CR2: variants seen among roughly 807,000 people sequenced by gnomAD.
CR2 encodes complement C3d receptor 2.
A neutral mutation model predicts 123.0 loss-of-function variants in CR2; 96 were observed. The observed-to-expected ratio is 0.78, with a 90% CI of 0.66 to 0.93. The LOEUF (loss-of-function observed/expected upper bound fraction) is 0.93. Among genes scored for constraint, CR2 ranks in the 40% least tolerant of loss-of-function variants. The pLI, the probability that CR2 is intolerant of heterozygous loss-of-function variation, is 0.00. For missense variants in CR2, 1,258 were observed against 1,361.0 expected, an observed-to-expected ratio of 0.92 and a Z score of 1.19; for synonymous variants, 484 against 469.5, an observed-to-expected ratio of 1.03 and a Z score of -0.40.
Position 207,454,736 on chromosome 1 carries a change from G to A in CR2, c.58+260G>A, listed in dbSNP as rs904822235. On this transcript the variant is annotated intron_variant, in intron 1 of 19. Transcript: ENST00000367057. The surrounding 1 kb of genome is among the most constrained non-coding windows in gnomAD (Gnocchi z 4.3). ...CTGTCTGGTCGGCCCGGTGTGGCTG[G>A]CGGCGTGCGGGTGCTCGCGGTCTCC... 44 of 415,578 alleles carry A rather than the reference G, an allele frequency of 1.1e-4. No homozygotes were observed. The highest frequency in any genetic ancestry group is 1.2e-3 in the Middle Eastern group (2 of 1,616). The allele number at this position is 415,578 out of a possible 1,614,324, so 25.7% of individuals were successfully genotyped here. A position where few individuals can be genotyped will look rare whatever the true frequency, so the allele number is the denominator to read the frequency against.
intron 16 of CR2, among the ~76,000 whole-genome samples, chr1:207,478,811 A>G (rs1187502238): frequency 6.6e-6 from 1 of 152,080 alleles, no homozygotes; most frequent in African/African-American, 2.4e-5. Flanking sequence ...TTTGCATTCT[A>G]ACCTGAGAAA....
At chr1:207,488,177 C>A (rs964716368) in intron 19 of CR2, among the ~76,000 whole-genome samples, 1 of 152,158 alleles carries the variant, frequency 6.6e-6, no homozygotes, top group Non-Finnish European at 1.5e-5. Context: ...GCCATCAGTA[C>A]CACTTTGAAA....
At chr1:207,476,500 AAAT>A in intron 15 of CR2, 81 bp downstream of exon 15, 1 of 1,236,116 alleles carries the variant, frequency 8.1e-7, no homozygotes, top group Non-Finnish European at 1.2e-6. Context: ...TTTCAACTTA[AAAT>A]AGCCAAAGAA....
rs774149171 is a variant in CR2, at chr1:207,468,894, T to G, written c.729T>G (p.Asp243Glu). The change falls in exon 4 of 20, where the codon GAT becomes GAG. Residue 243 changes from aspartate (D) to glutamate (E), a missense_variant. Asp to Glu is a conservative substitution (Grantham distance 45). Coordinates refer to ENST00000367057, the MANE Select transcript of CR2 (RefSeq NM_001006658.3). Reference protein sequence around the residue: ...RVGVTANFFCDEGYRLQGPPS... With the variant: ...RVGVTANFFCEEGYRLQGPPS... ...GTGTAACTGCAAACTTTTTCTGTGATGAAGGGTGAGTGTCAGGATTATTTA... is the reference window on the plus strand; with the variant it reads ...GTGTAACTGCAAACTTTTTCTGTGAGGAAGGGTGAGTGTCAGGATTATTTA... 6.2e-7 allele frequency: 1 copy of G among 1,613,754 alleles called. No homozygotes were observed. Among genetic ancestry groups the G allele is most frequent in the Non-Finnish European group, 8.5e-7 (1 of 1,179,706 alleles).
chr1:207,469,233 G>C lies in CR2; in HGVS notation c.817+1G>C. 6.2e-7 allele frequency: 1 copy of C among 1,612,690 alleles called. No homozygotes were observed. ...TGGACCAAAATGCCAGTATGTGAAG[G>C]TAGGCTAGGCAACTATGGTCTGACA... On this transcript the variant is annotated splice_donor_variant, in intron 5 of 19. Transcript: ENST00000367057. LOFTEE classifies it high-confidence loss of function.
At chr1:207,474,170 C>G in intron 12 of CR2, 71 bp from the exon 13 acceptor site, 2 of 1,269,320 alleles carry the variant, frequency 1.6e-6, no homozygotes, top group South Asian at 2.4e-5. Flanking sequence ...TTTAGAAGTC[C>G]CTTTTTGCAT....
intron 19 of CR2, among the ~76,000 whole-genome samples, chr1:207,487,298 GTTGT>G (rs1191153427): frequency 6.6e-6 from 1 of 152,130 alleles, no homozygotes; most frequent in Non-Finnish European, 1.5e-5. Flanking sequence ...TTTTGCTGTT[GTTGT>G]TTGAGACAGG....
In CR2 at chr1:207,476,313, A is replaced by C; in HGVS notation, c.2796A>C (p.Gly932=). The part of the protein sequence containing the change: ...TGGNIARFSP[G]MSILYSCDQG... Reference sequence around the variant, plus strand: ...GAAACATAGCTCGATTTTCTCCTGGAATGTCAATCCTGTACAGCTGTGACC... The same window carrying C: ...GAAACATAGCTCGATTTTCTCCTGGCATGTCAATCCTGTACAGCTGTGACC... The change falls in exon 15 of 20, where the codon GGA becomes GGC. Residue 932 remains glycine (G), a synonymous_variant. Transcript: ENST00000367057. The C allele has an allele frequency of 6.2e-7, 1 of 1,614,004 alleles. No individual in the cohort carries two copies. The highest frequency in any genetic ancestry group is 8.5e-7 in the Non-Finnish European group (1 of 1,179,926).
In CR2 at chr1:207,474,978, A is replaced by T; in HGVS notation, c.2478A>T (p.Lys826Asn). The T allele has an allele frequency of 1.2e-6, 2 of 1,614,166 alleles. No homozygotes were observed. The highest frequency in any genetic ancestry group is 2.7e-5 in the African/African-American group (2 of 75,058). ...EKKLQCRSDSKGHGSWSGPSP... is the reference protein window; with the variant it reads ...EKKLQCRSDSNGHGSWSGPSP... ...AATTGCAGTGCAGAAGTGATTCTAA[A>T]GGACATGGATCTTGGAGCGGGCCTT... Residue 826 changes from lysine to asparagine, a missense_variant, in exon 14 of 20, where the codon AAA becomes AAT. Lys to Asn is a moderately conservative substitution (Grantham distance 94). Transcript: ENST00000367057.
intron 13 of CR2, 134 bp downstream of exon 13, chr1:207,474,457 A>G: frequency 1.4e-6 from 1 of 735,406 alleles, no homozygotes; most frequent in Admixed American, 2.3e-5. Flanking sequence ...GAAAAATCTT[A>G]TGGTGTTGGT....
chr1:207,459,372 C>T (rs1657913154), intron 1 of CR2, among the ~76,000 whole-genome samples: 1 of 151,712 alleles, frequency 6.6e-6, no homozygotes, highest in African/African-American at 2.4e-5. Context: ...ACAACTTTCA[C>T]ATCATCATTC....
At chr1:207,483,710 C>G (rs1290950259) in intron 18 of CR2, among the ~76,000 whole-genome samples, 3 of 151,890 alleles carry the variant, frequency 2.0e-5, no homozygotes, top group Admixed American at 2.0e-4. Context: ...ATGAGGTGGA[C>G]CCCCTGACTC....
intron 2 of CR2, among the ~76,000 whole-genome samples, chr1:207,468,014 T>C (rs1203805038): frequency 6.6e-6 from 1 of 152,060 alleles, no homozygotes; most frequent in East Asian, 1.9e-4. Context: ...TAGGTGAAAA[T>C]TGACTTTTTT....
At chr1:207,464,282 A>T (rs552025928) in intron 1 of CR2, among the ~76,000 whole-genome samples, 12 of 152,340 alleles carry the variant, frequency 7.9e-5, no homozygotes, top group Non-Finnish European at 1.0e-4. Flanking sequence ...TTTCAACAAA[A>T]TAGGTAAATT....
chr1:207,484,358 T>C (rs933225760), intron 18 of CR2, among the ~76,000 whole-genome samples: 54 of 152,370 alleles, frequency 3.5e-4, no homozygotes, highest in African/African-American at 1.2e-3. Context: ...CCCACTTCAA[T>C]TGATTTTCCA....
chr1:207,472,301 A>G (rs1399975314), intron 9 of CR2, among the ~76,000 whole-genome samples: 1 of 152,162 alleles, frequency 6.6e-6, no homozygotes. Flanking sequence ...TACAGACTTC[A>G]AATTATTCAA....
In CR2 at chr1:207,473,058, A is replaced by C. The variant is rs1331937417; in HGVS notation, c.1857A>C (p.Pro619=). Residue 619 remains proline (P), a synonymous_variant, in exon 10 of 20, where the codon CCA becomes CCC. Coordinates refer to ENST00000367057, the MANE Select transcript of CR2 (RefSeq NM_001006658.3). ...ACAAGATATCTGGCAAGGAAGCCCC[A>C]TATTTCTACAATGACACTGTGACAT... The part of the protein sequence containing the change: ...NGYKISGKEA[P]YFYNDTVTFK... The C allele has an allele frequency of 6.2e-7, 1 of 1,614,028 alleles. No homozygotes were observed. The highest frequency in any genetic ancestry group is 1.1e-5 in the South Asian group (1 of 91,076).
chr1:207,470,360 A>G (rs1364958896), intron 6 of CR2, among the ~76,000 whole-genome samples: 2 of 152,128 alleles, frequency 1.3e-5, no homozygotes, highest in East Asian at 3.9e-4. Context: ...GAGGAGAAAA[A>G]TGCTTGTTTG....
chr1:207,474,608 TTACTC>T (rs1658383313), intron 13 of CR2, among the ~76,000 whole-genome samples: 7 of 152,210 alleles, frequency 4.6e-5, no homozygotes, highest in South Asian at 4.1e-4. Context: ...CCTTCACACT[TTACTC>T]TATTTTCTGA....
Sources: allele counts gnomAD v4.1 joint callset (sites outside exome capture counted in the v4.1 genomes callset), GRCh38; gene constraint gnomAD v4.1.1; non-coding constraint Gnocchi (gnomAD v3.1); transcripts MANE v1.5; gene names NCBI Gene and HGNC (gene_info 2026-07-23, HGNC 2026-07-21).